The following KIF6 variants were observed in gnomAD, a reference collection of about 807,000 sequenced individuals.
KIF6 encodes kinesin family member 6, also known as kinesin-like protein KIF6.
KIF6 carries 106 observed loss-of-function variants against 112.7 expected under a neutral mutation model. That is an observed-to-expected ratio of 0.94 (90% confidence interval 0.80 to 1.11). The LOEUF (loss-of-function observed/expected upper bound fraction) is 1.11, where lower values mean the gene tolerates loss of function less well. Ranked by LOEUF, KIF6 falls within the 50% of genes least tolerant of loss-of-function variation. KIF6 has a pLI of 0.00. For synonymous variants in KIF6, 339 were observed against 339.9 expected, an observed-to-expected ratio of 1.00 and a Z score of 0.03; for missense variants, 929 against 964.0, an observed-to-expected ratio of 0.96 and a Z score of 0.48.
chr6:39,705,136 C>T (rs933306995), intron 3 of KIF6, among the ~76,000 whole-genome samples: 1 of 152,162 alleles, frequency 6.6e-6, no homozygotes, highest in African/African-American at 2.4e-5. Flanking sequence ...TCTGCATCAC[C>T]CCACAGCCTA....
At chr6:39,480,516 T>A (rs967928779) in intron 13 of KIF6, among the ~76,000 whole-genome samples, 1 of 151,094 alleles carries the variant, frequency 6.6e-6, no homozygotes, top group Non-Finnish European at 1.5e-5. Flanking sequence ...GAAGTTTTCT[T>A]TTTTTTTTGC....
chr6:39,330,499 A>C lies in KIF6; in HGVS notation c.*6033T>G, dbSNP rs1007445946. 2 of 152,278 alleles carry C rather than the reference A, an allele frequency of 1.3e-5. No individual in the cohort carries two copies. The highest frequency in any genetic ancestry group is 2.4e-5 in the African/African-American group (1 of 41,446). 9.4% of individuals were successfully genotyped at this position (152,278 alleles called of 1,614,324 possible). A position where few individuals can be genotyped will look rare whatever the true frequency, so the allele number is the denominator to read the frequency against. On this transcript the variant is annotated 3_prime_UTR_variant, in exon 23 of 23. Coordinates refer to ENST00000287152, the MANE Select transcript of KIF6 (RefSeq NM_145027.6). ...GTGATGGAAAAGACAAACCCAGGAG[A>C]TGTTTCGGAGAAAAGAAAACAACAA... is the stretch of plus-strand genomic sequence containing the variant.
intron 2 of KIF6, among the ~76,000 whole-genome samples, chr6:39,719,920 C>T (rs911550389): frequency 2.0e-5 from 3 of 151,910 alleles, no homozygotes; most frequent in Non-Finnish European, 4.4e-5. Context: ...CAGTTCAAGG[C>T]CACAGTGAAC....
intron 5 of KIF6, among the ~76,000 whole-genome samples, chr6:39,632,681 C>T (rs371434088): frequency 2.6e-5 from 4 of 152,108 alleles, no homozygotes; most frequent in East Asian, 3.9e-4. Context: ...AGATTCAATA[C>T]CAGTCAAACC....
At chr6:39,605,532 A>G (rs565105784) in intron 6 of KIF6, among the ~76,000 whole-genome samples, 1 of 152,246 alleles carries the variant, frequency 6.6e-6, no homozygotes, top group African/African-American at 2.4e-5. Context: ...AACAATTAAG[A>G]CACAGGTAAT....
chr6:39,641,650 A>T (rs558230775), intron 3 of KIF6, among the ~76,000 whole-genome samples: 110 of 151,848 alleles, frequency 7.2e-4, no homozygotes, highest in African/African-American at 2.5e-3. Flanking sequence ...TAATATATAT[A>T]AAAAAAAGCC....
chr6:39,683,613 T>C (rs1247211781), intron 3 of KIF6, among the ~76,000 whole-genome samples: 1 of 152,070 alleles, frequency 6.6e-6, no homozygotes, highest in Non-Finnish European at 1.5e-5. Context: ...ATATTCAAAG[T>C]CATGGAACTG....
intron 10 of KIF6, among the ~76,000 whole-genome samples, chr6:39,573,705 G>A (rs1047285146): frequency 2.0e-5 from 3 of 152,184 alleles, no homozygotes; most frequent in Admixed American, 6.5e-5. Context: ...TTAGTAGCAC[G>A]TGAACTAGTT....
At chr6:39,582,246 A>G (rs2150649937) in intron 9 of KIF6, among the ~76,000 whole-genome samples, 1 of 152,320 alleles carries the variant, frequency 6.6e-6, no homozygotes. Flanking sequence ...TGAGATTACT[A>G]CAGTTATGCC....
intron 19 of KIF6, among the ~76,000 whole-genome samples, chr6:39,351,630 C>G (rs571830955): frequency 1.3e-5 from 2 of 152,276 alleles, no homozygotes; most frequent in South Asian, 4.1e-4. Flanking sequence ...CTCTCACACA[C>G]ACACACATGC....
intron 5 of KIF6, among the ~76,000 whole-genome samples, chr6:39,620,118 C>T (rs1783734554): frequency 6.6e-6 from 1 of 152,156 alleles, no homozygotes; most frequent in South Asian, 2.1e-4. Flanking sequence ...CGCTAGTATT[C>T]CTTGCTAATT....
chr6:39,446,941 T>A (rs1772367762), intron 13 of KIF6, among the ~76,000 whole-genome samples: 1 of 152,304 alleles, frequency 6.6e-6, no homozygotes, highest in African/African-American at 2.4e-5. Flanking sequence ...AATGAGTAAA[T>A]GTGGAATATA....
chr6:39,634,663 T>C (rs899309429), intron 5 of KIF6, among the ~76,000 whole-genome samples, 186 bp downstream of exon 5: 1 of 152,114 alleles, frequency 6.6e-6, no homozygotes, highest in Non-Finnish European at 1.5e-5. Flanking sequence ...CAGGCAATTT[T>C]AGTTCCCATC....
chr6:39,545,492 TA>T, intron 11 of KIF6, 90 bp downstream of exon 11: 1 of 799,768 alleles, frequency 1.3e-6, no homozygotes, highest in Non-Finnish European at 2.1e-6. Flanking sequence ...TGCTGGATCC[TA>T]ACCTTCCAAG....
At chr6:39,521,976 C>A (rs1022120649) in intron 13 of KIF6, among the ~76,000 whole-genome samples, 12 of 152,152 alleles carry the variant, frequency 7.9e-5, no homozygotes, top group African/African-American at 2.9e-4. Flanking sequence ...CTCATCCCAC[C>A]CATTCCTCCT....
At chr6:39,669,910 C>G (rs1786698250) in intron 3 of KIF6, among the ~76,000 whole-genome samples, 1 of 152,236 alleles carries the variant, frequency 6.6e-6, no homozygotes, top group South Asian at 2.1e-4. Flanking sequence ...TTGCTTGCTT[C>G]TCTTTCTTTA....
chr6:39,609,028 C>A (rs1284677168), intron 6 of KIF6, among the ~76,000 whole-genome samples: 1 of 152,132 alleles, frequency 6.6e-6, no homozygotes, highest in East Asian at 1.9e-4. Flanking sequence ...TATTATTATG[C>A]CCATTTTACA....
chr6:39,708,904 A>C lies in KIF6; in HGVS notation c.251+5788T>G, dbSNP rs139160251. On this transcript the variant is annotated intron_variant, in intron 3 of 22. Coordinates refer to ENST00000287152, the MANE Select transcript of KIF6 (RefSeq NM_145027.6). ...AGCACAACACTAGATAAAAAAAAAAAAACAAATAAAACAAGACGCTCTTTT... is the reference window on the plus strand; with the variant it reads ...AGCACAACACTAGATAAAAAAAAAACAACAAATAAAACAAGACGCTCTTTT... 4.1e-4 allele frequency among the ~76,000 whole-genome samples: 63 copies of C among 152,036 alleles called. 1 individual carries two copies. The East Asian group carries it at 6.2e-3, about 15-fold the overall frequency.
chr6:39,511,446 G>T (rs1029765454), intron 13 of KIF6, among the ~76,000 whole-genome samples: 6 of 152,150 alleles, frequency 3.9e-5, no homozygotes, highest in African/African-American at 4.8e-5. Context: ...GAAACAACAG[G>T]TGCTGGAGAG....
Sources: gnomAD v4.1 joint callset for allele counts (sites outside exome capture counted in the v4.1 genomes callset) on GRCh38, gnomAD v4.1.1 for gene constraint, MANE v1.5 for transcripts, NCBI Gene and HGNC (gene_info 2026-07-23, HGNC 2026-07-21) for gene names.